Variants in ASH1L observed in about 807,000 individuals in gnomAD.
The protein encoded by ASH1L is ASH1 like histone lysine methyltransferase.
ASH1L carries 23 observed loss-of-function variants against 269.0 expected under a neutral mutation model. The observed-to-expected ratio is 0.09, with a 90% confidence interval of 0.06 to 0.12. The LOEUF (loss-of-function observed/expected upper bound fraction) is 0.12. Among genes scored for constraint, ASH1L ranks in the 10% least tolerant of loss-of-function variants. The pLI, the probability that ASH1L is intolerant of heterozygous loss-of-function variation, is 1.00. For synonymous variants in ASH1L, 1,187 were observed against 1,253.5 expected (o/e 0.95, Z 1.12); for missense variants, 2,912 against 3,567.8 (o/e 0.82, Z 4.68).
rs552594192 is a variant in ASH1L at position 155,383,420 on chromosome 1, T to C, written c.6104-3304A>G. ...TAGTGGGCTGCCATTTTTTATCCTT[T>C]ATATTGTATTTTTACTGTACCTTTT... On this transcript the variant is annotated intron_variant, in intron 7 of 27. Coordinates refer to ENST00000392403, the MANE Select transcript of ASH1L (RefSeq NM_018489.3). Among the ~76,000 whole-genome samples, 4 of 152,318 alleles carry C rather than the reference T, an allele frequency of 2.6e-5. No individual in the cohort carries two copies. In the East Asian group the frequency reaches 7.7e-4, roughly 29 times the overall value.
At chr1:155,387,970 T>C (rs1047055352) in intron 7 of ASH1L, among the ~76,000 whole-genome samples, 5 of 152,220 alleles carry the variant, frequency 3.3e-5, no homozygotes, top group Non-Finnish European at 2.9e-5. Flanking sequence ...CTAGTGATTT[T>C]TGTACATTGA....
rs551185000 is a variant in ASH1L at position 155,358,020 on chromosome 1, C to T, written c.6796-271G>A. ...TCCAGGGCTCGAGCAACTCTCCCAC[C>T]TTGGCCTCCCAAAGTGCTGGGATTA... On this transcript the variant is annotated intron_variant, in intron 13 of 27. Transcript: ENST00000392403. Among the ~76,000 whole-genome samples the T allele has an allele frequency of 2.6e-5, 4 of 152,262 alleles. No homozygotes were observed. In the East Asian group the frequency reaches 7.7e-4, roughly 29 times the overall value.
At chr1:155,542,609 T>C (rs1368739734) in intron 1 of ASH1L, among the ~76,000 whole-genome samples, 2 of 152,028 alleles carry the variant, frequency 1.3e-5, no homozygotes, top group Non-Finnish European at 2.9e-5. Flanking sequence ...TGAAGGCCAC[T>C]GAACATGCTT....
chr1:155,341,907 T>G (rs750205759), intron 25 of ASH1L, 29 bp downstream of exon 25: 6 of 1,608,196 alleles, frequency 3.7e-6, no homozygotes, highest in African/African-American at 1.3e-5. Flanking sequence ...TGTCCTAACA[T>G]GTAGTGTTAA....
intron 5 of ASH1L, among the ~76,000 whole-genome samples, chr1:155,427,293 C>G (rs1026957527): frequency 1.8e-4 from 27 of 151,688 alleles, no homozygotes; most frequent in African/African-American, 6.5e-4. Context: ...CAGCACCACA[C>G]CTGGCTAATT....
chr1:155,406,345 A>G (rs1241252978), intron 6 of ASH1L, among the ~76,000 whole-genome samples: 1 of 152,222 alleles, frequency 6.6e-6, no homozygotes, highest in Non-Finnish European at 1.5e-5. Context: ...AGGAATAGCC[A>G]AAACAATCTT....
chr1:155,451,488 G>A (rs543497874), intron 4 of ASH1L, among the ~76,000 whole-genome samples: 3 of 151,574 alleles, frequency 2.0e-5, no homozygotes, highest in South Asian at 2.1e-4. Context: ...AGGCAGGCGC[G>A]GTGGCTCACG....
At chr1:155,453,016 A>G (rs1449539396) in intron 4 of ASH1L, among the ~76,000 whole-genome samples, 1 of 152,082 alleles carries the variant, frequency 6.6e-6, no homozygotes, top group East Asian at 1.9e-4. Flanking sequence ...CACTCTATGC[A>G]AGGAGGGCCT....
At chr1:155,458,620 G>A (rs943126807) in intron 4 of ASH1L, among the ~76,000 whole-genome samples, 1 of 152,152 alleles carries the variant, frequency 6.6e-6, no homozygotes, top group African/African-American at 2.4e-5. Flanking sequence ...AGGAGGCTGA[G>A]GCAAGAGAAT....
At chr1:155,497,806 G>A (rs910697440) in intron 2 of ASH1L, among the ~76,000 whole-genome samples, 3 of 150,696 alleles carry the variant, frequency 2.0e-5, no homozygotes, top group South Asian at 2.1e-4. Context: ...TGGAAGTGCC[G>A]TGGCACGATC....
chr1:155,527,612 C>T (rs1447412341), intron 1 of ASH1L, among the ~76,000 whole-genome samples: 1 of 148,604 alleles, frequency 6.7e-6, no homozygotes, highest in Non-Finnish European at 1.5e-5. Context: ...TCATAGCTCA[C>T]TGCAGCCTCA....
chr1:155,523,261 G>A (rs1297464906), intron 1 of ASH1L, among the ~76,000 whole-genome samples: 1 of 152,178 alleles, frequency 6.6e-6, no homozygotes, highest in Non-Finnish European at 1.5e-5. Context: ...TTCAGGGACT[G>A]AGGTGGGTGG....
chr1:155,433,806 A>G, intron 5 of ASH1L: 1 of 1,606,584 alleles, frequency 6.2e-7, no homozygotes, highest in Non-Finnish European at 8.5e-7. Flanking sequence ...AAGTGGGTGG[A>G]GGAAGCTGAC....
chr1:155,406,009 G>A (rs905202580), intron 6 of ASH1L, among the ~76,000 whole-genome samples: 1 of 151,786 alleles, frequency 6.6e-6, no homozygotes, highest in African/African-American at 2.4e-5. Flanking sequence ...TTCGAGACCA[G>A]CCTGGCCAAC....
At chr1:155,484,523 T>C (rs943432720) in intron 2 of ASH1L, among the ~76,000 whole-genome samples, 1 of 152,002 alleles carries the variant, frequency 6.6e-6, no homozygotes. Context: ...CTATTCAATA[T>C]ATAGAAAATT....
chr1:155,518,277 C>T (rs1439816595), intron 2 of ASH1L, among the ~76,000 whole-genome samples: 1 of 152,028 alleles, frequency 6.6e-6, no homozygotes, highest in Non-Finnish European at 1.5e-5. Context: ...AGAGCTAAAA[C>T]GATAAAACCC....
intron 21 of ASH1L, 57 bp from the exon 22 acceptor site, chr1:155,344,330 T>G: frequency 7.7e-7 from 1 of 1,303,748 alleles, no homozygotes; most frequent in South Asian, 1.2e-5. Flanking sequence ...TCAGCCTACT[T>G]ATTTCTCAAC....
intron 2 of ASH1L, among the ~76,000 whole-genome samples, chr1:155,488,383 G>T (rs1477875266): frequency 6.6e-6 from 1 of 150,820 alleles, no homozygotes; most frequent in African/African-American, 2.4e-5. Context: ...TTTGAAGCCG[G>T]GTACGGTGGC....
intron 4 of ASH1L, among the ~76,000 whole-genome samples, chr1:155,453,874 G>A (rs1375273185): frequency 6.6e-6 from 1 of 152,096 alleles, no homozygotes; most frequent in Non-Finnish European, 1.5e-5. Context: ...AGGCTGAGGC[G>A]GGCAGATCAC....
Sources: allele counts gnomAD v4.1 joint callset (sites outside exome capture counted in the v4.1 genomes callset), GRCh38; gene constraint gnomAD v4.1.1; transcripts MANE v1.5; gene names NCBI Gene and HGNC (gene_info 2026-07-23, HGNC 2026-07-21).